Variants in LIPC observed in about 807,000 individuals in gnomAD.
LIPC encodes lipase C, hepatic type.
In LIPC, 44 loss-of-function variants were observed where a neutral mutation model predicts 50.7. The observed-to-expected ratio is 0.87, with a 90% CI of 0.68 to 1.11. The LOEUF (loss-of-function observed/expected upper bound fraction) is 1.11, where lower values mean the gene tolerates loss of function less well. LIPC is among the 50% of genes most tolerant of loss of function. The pLI is 0.00. For missense variants in LIPC, 697 were observed against 648.2 expected, an observed-to-expected ratio of 1.08 and a Z score of -0.82; for synonymous variants, 271 against 256.4, an observed-to-expected ratio of 1.06 and a Z score of -0.54.
At chr15:58,494,015 G>A (rs1466391847) in intron 1 of LIPC, among the ~76,000 whole-genome samples, 1 of 152,144 alleles carries the variant, frequency 6.6e-6, no homozygotes, top group African/African-American at 2.4e-5. Flanking sequence ...TAGTACAGAG[G>A]TAAGACTCCA....
chr15:58,436,630 G>A (rs1198425962), intron 1 of LIPC: 39 of 433,036 alleles, frequency 9.0e-5, no homozygotes, highest in Non-Finnish European at 1.4e-4. Flanking sequence ...CGTTCTGTGT[G>A]TCAAATACAT....
chr15:58,538,433 G>A lies in LIPC; in HGVS notation c.189G>A (p.Gln63=). The stretch of plus-strand genomic sequence containing the variant: ...TTGGAGAAACCAATCAGGGCTGTCA[G>A]ATTCGAATCAATCATCCGGACACGT... ...LLFGETNQGC[Q]IRINHPDTLQ... Residue 63 remains glutamine (Q), a synonymous_variant, in exon 2 of 9, where the codon CAG becomes CAA. Coordinates refer to ENST00000299022, the MANE Select transcript of LIPC (RefSeq NM_000236.3). 6.2e-7 allele frequency: 1 copy of A among 1,614,216 alleles called. No homozygotes were observed. Among genetic ancestry groups the A allele is most frequent in the African/African-American group, 1.3e-5 (1 of 75,050 alleles).
chr15:58,471,821 C>T (rs1227143348), intron 1 of LIPC, among the ~76,000 whole-genome samples: 1 of 152,232 alleles, frequency 6.6e-6, no homozygotes, highest in African/African-American at 2.4e-5. Flanking sequence ...ATCACAACTG[C>T]CCTTACTGCC....
Position 58,437,011 on chromosome 15 carries a change from C to T in LIPC, c.88+4891C>T, listed in dbSNP as rs182596475. 1.6e-5 allele frequency: 6 copies of T among 378,930 alleles called. No individual in the cohort carries two copies. In the East Asian group the frequency reaches 4.3e-4, roughly 27 times the overall value. The allele number at this position is 378,930 out of a possible 1,614,324, so 23.5% of individuals were successfully genotyped here. ...AACAATGTGAATGCCCAAGTGCAAACCACTGAAGTTGGGGACTCCAGCTAC... is the reference window on the plus strand; with the variant it reads ...AACAATGTGAATGCCCAAGTGCAAATCACTGAAGTTGGGGACTCCAGCTAC... On this transcript the variant is annotated intron_variant, in intron 1 of 8. Transcript: ENST00000299022.
intron 1 of LIPC, among the ~76,000 whole-genome samples, chr15:58,457,512 G>A (rs1566913713): frequency 6.6e-6 from 1 of 152,230 alleles, no homozygotes; most frequent in Non-Finnish European, 1.5e-5. Context: ...TCAGGGCAGA[G>A]CTGCAGCAGC....
At chr15:58,452,144 G>A (rs1054619722) in intron 1 of LIPC, among the ~76,000 whole-genome samples, 1 of 152,192 alleles carries the variant, frequency 6.6e-6, no homozygotes, top group Admixed American at 6.5e-5. Flanking sequence ...CTATTCCACA[G>A]TGATTCTCAA....
intron 1 of LIPC, among the ~76,000 whole-genome samples, chr15:58,442,145 A>G (rs1164267664): frequency 6.6e-6 from 1 of 152,172 alleles, no homozygotes; most frequent in African/African-American, 2.4e-5. Flanking sequence ...TCTCAGGAGT[A>G]ATAGTGTCCC....
intron 1 of LIPC, among the ~76,000 whole-genome samples, chr15:58,475,302 G>A (rs1890953128): frequency 6.6e-6 from 1 of 152,102 alleles, no homozygotes; most frequent in Non-Finnish European, 1.5e-5. Context: ...CTTCTAAGAG[G>A]CAAAGGTAAT....
In LIPC at chr15:58,538,394, C is replaced by G. The variant is rs772238753; in HGVS notation, c.150C>G (p.Thr50=). ...ETNKTLHEMK[T]RFLLFGETNQ... ...ACAAAACGCTGCATGAGATGAAGAC[C>G]AGATTCCTGCTCTTTGGAGAAACCA... Residue 50 remains threonine (T), a synonymous_variant, in exon 2 of 9, where the codon ACC becomes ACG. Coordinates refer to ENST00000299022, the MANE Select transcript of LIPC (RefSeq NM_000236.3). The G allele has an allele frequency of 1.9e-6, 3 of 1,614,176 alleles. No individual in the cohort carries two copies. Among genetic ancestry groups the G allele is most frequent in the Non-Finnish European group, 2.5e-6 (3 of 1,180,024 alleles).
intron 1 of LIPC, among the ~76,000 whole-genome samples, chr15:58,450,784 T>C (rs1893872546): frequency 6.6e-6 from 1 of 152,084 alleles, no homozygotes; most frequent in South Asian, 2.1e-4. Context: ...CTGGTATTGA[T>C]AAGAGCCCAC....
At chr15:58,488,605 G>T (rs146912093) in intron 1 of LIPC, among the ~76,000 whole-genome samples, 2,444 of 152,274 alleles carry the variant, frequency 0.016, 55 homozygotes, top group African/African-American at 0.054. Context: ...TCTCTGAACT[G>T]CCCCATTTTC....
intron 1 of LIPC, chr15:58,436,948 T>G (rs1388754233): frequency 1.1e-5 from 5 of 443,384 alleles, no homozygotes; most frequent in Non-Finnish European, 1.8e-5. Context: ...CATAGAACGG[T>G]GTTGATAGCA....
chr15:58,567,337 A>G (rs1566955200), intron 8 of LIPC, among the ~76,000 whole-genome samples: 39 of 18,520 alleles, frequency 2.1e-3, no homozygotes, highest in African/African-American at 8.9e-3. Context: ...ATATATATAT[A>G]TGTATATGTA....
chr15:58,567,200 CA>C (rs780744817), intron 8 of LIPC, among the ~76,000 whole-genome samples: 5 of 88,626 alleles, frequency 5.6e-5, no homozygotes, highest in Admixed American at 3.9e-4. Context: ...GACTCCGTCT[CA>C]AAAAAAATAA....
At chr15:58,491,968 G>C (rs1891601062) in intron 1 of LIPC, among the ~76,000 whole-genome samples, 1 of 152,206 alleles carries the variant, frequency 6.6e-6, no homozygotes, top group Non-Finnish European at 1.5e-5. Context: ...GGGGGTCCCA[G>C]CTCTGTAGCT....
chr15:58,472,576 CAAAA>C (rs34483233), intron 1 of LIPC, among the ~76,000 whole-genome samples: 1 of 122,626 alleles, frequency 8.2e-6, no homozygotes. Flanking sequence ...ACTCTTGTCT[CAAAA>C]AAAAAAAAAA....
chr15:58,564,502 C>T (rs1460100043), intron 8 of LIPC, among the ~76,000 whole-genome samples: 1 of 150,524 alleles, frequency 6.6e-6, no homozygotes. Context: ...CCTTGGCGGG[C>T]GGATCACCTG....
chr15:58,542,450 G>A, intron 3 of LIPC, 84 bp from the exon 4 acceptor site: 2 of 865,546 alleles, frequency 2.3e-6, no homozygotes, highest in South Asian at 2.6e-5. Context: ...CGAAGAACAG[G>A]GTGGGCGCCA....
intron 1 of LIPC, among the ~76,000 whole-genome samples, chr15:58,438,621 A>T (rs370954492): frequency 1.1e-4 from 16 of 152,202 alleles, no homozygotes; most frequent in African/African-American, 3.4e-4. Flanking sequence ...CGGGTCTTAC[A>T]TTCAGGTACC....
Sources: gnomAD v4.1 joint callset for allele counts (sites outside exome capture counted in the v4.1 genomes callset) on GRCh38, gnomAD v4.1.1 for gene constraint, MANE v1.5 for transcripts, NCBI Gene and HGNC (gene_info 2026-07-23, HGNC 2026-07-21) for gene names.